CRTC1: variants seen among roughly 807,000 people sequenced by gnomAD.
The protein encoded by CRTC1 is CREB regulated transcription coactivator 1.
A neutral mutation model predicts 66.1 loss-of-function variants in CRTC1; 18 were observed. The observed-to-expected ratio is 0.27, with a 90% CI of 0.19 to 0.40. CRTC1 has a LOEUF of 0.40. CRTC1 is among the 10% of genes least tolerant of loss of function. CRTC1 has a pLI of 1.00. For missense variants in CRTC1, 669 were observed against 887.9 expected (o/e 0.75, Z 3.13); for synonymous variants, 416 against 398.8 (o/e 1.04, Z -0.51).
At chr19:18,725,493 C>T (rs2053728379) in intron 1 of CRTC1, among the ~76,000 whole-genome samples, 1 of 148,956 alleles carries the variant, frequency 6.7e-6, no homozygotes, top group African/African-American at 2.5e-5. Context: ...GAGGTTGGGG[C>T]AGCCTGGCCA....
chr19:18,715,294 C>G, intron 1 of CRTC1, among the ~76,000 whole-genome samples: 1 of 152,120 alleles, frequency 6.6e-6, no homozygotes, highest in Non-Finnish European at 1.5e-5. Context: ...GTGGTGCGAT[C>G]TCGGCTCACT....
At chr19:18,736,936 G>A (rs1220277776) in intron 1 of CRTC1, among the ~76,000 whole-genome samples, 1 of 152,190 alleles carries the variant, frequency 6.6e-6, no homozygotes, top group Non-Finnish European at 1.5e-5. Flanking sequence ...CTGGCAGGTG[G>A]AGGTGTCGCT....
At chr19:18,742,442 G>A (rs966502018) in intron 1 of CRTC1, among the ~76,000 whole-genome samples, 1 of 152,200 alleles carries the variant, frequency 6.6e-6, no homozygotes, top group African/African-American at 2.4e-5. Flanking sequence ...CAAGTCCCAC[G>A]CTTTGAAGGC....
intron 1 of CRTC1, among the ~76,000 whole-genome samples, chr19:18,691,114 A>C (rs1047007634): frequency 2.7e-5 from 4 of 148,560 alleles, no homozygotes; most frequent in Non-Finnish European, 4.4e-5. Context: ...AGGCAGGAGG[A>C]TTGTTTGAGC....
At chr19:18,749,310 A>G (rs1335717277) in intron 4 of CRTC1, among the ~76,000 whole-genome samples, 1 of 152,100 alleles carries the variant, frequency 6.6e-6, no homozygotes, top group Non-Finnish European at 1.5e-5. Context: ...TGAGCATCCT[A>G]GAGGGCACAG....
chr19:18,758,059 C>A (rs1055315084), intron 6 of CRTC1, among the ~76,000 whole-genome samples: 1 of 149,858 alleles, frequency 6.7e-6, no homozygotes, highest in Non-Finnish European at 1.5e-5. Flanking sequence ...TAAAATTAAA[C>A]ATTTTTTTAA....
Position 18,759,579 on chromosome 19 carries a change from T to A in CRTC1, c.653T>A (p.Val218Asp). Residue 218 changes from valine (V) to aspartate (D), a missense_variant, in exon 7 of 14, where the codon GTC becomes GAC. Coordinates refer to ENST00000321949, the MANE Select transcript of CRTC1 (RefSeq NM_015321.3). ...KTGSRPKSCE[V>D]PGINIFPSAD... is the part of the protein sequence containing the mutation. ...GGGTCCAGGCCCAAGTCCTGTGAGG[T>A]CCCCGGAATCAAGTAAGTCTCCACA... 3 of 1,612,508 alleles carry A rather than the reference T, an allele frequency of 1.9e-6. No homozygotes were observed. The highest frequency in any genetic ancestry group is 2.5e-6 in the Non-Finnish European group (3 of 1,179,606).
intron 1 of CRTC1, among the ~76,000 whole-genome samples, chr19:18,691,719 T>C (rs1291283132): frequency 2.0e-5 from 3 of 151,852 alleles, no homozygotes; most frequent in African/African-American, 7.2e-5. Flanking sequence ...TGCCTCTTTT[T>C]TTTGTTTTTT....
chr19:18,720,130 T>C (rs1485759496), intron 1 of CRTC1, among the ~76,000 whole-genome samples: 3 of 152,238 alleles, frequency 2.0e-5, no homozygotes, highest in Admixed American at 6.5e-5. Context: ...GAGATGTGTT[T>C]TGAGTCAAGG....
At chr19:18,724,477 C>A (rs927902115) in intron 1 of CRTC1, among the ~76,000 whole-genome samples, 1 of 152,024 alleles carries the variant, frequency 6.6e-6, no homozygotes, top group Non-Finnish European at 1.5e-5. Context: ...TAAAGTACTA[C>A]ACCTGGGCTG....
chr19:18,753,817 A>G (rs1332730541), intron 6 of CRTC1, among the ~76,000 whole-genome samples: 6 of 152,134 alleles, frequency 3.9e-5, no homozygotes, highest in Non-Finnish European at 8.8e-5. Flanking sequence ...ATTACAACCC[A>G]GGCTGGGTGC....
chr19:18,759,965 G>GTC, intron 7 of CRTC1, 43 bp from the exon 8 acceptor site: 1 of 1,002,754 alleles, frequency 1.0e-6, no homozygotes, highest in Non-Finnish European at 1.4e-6. Flanking sequence ...CGCCAGCCCC[G>GTC]CCCCATGAGC....
chr19:18,765,587 T>C, intron 9 of CRTC1, 59 bp downstream of exon 9: 2 of 1,529,842 alleles, frequency 1.3e-6, no homozygotes, highest in Non-Finnish European at 1.8e-6. Context: ...GAGGCCTGGC[T>C]CTACCTCTTA....
Position 18,779,884 on chromosome 19 carries a change from C to G in CRTC1, c.*2502C>G, listed in dbSNP as rs2055070187. 1 of 229,062 alleles carries G rather than the reference C, an allele frequency of 4.4e-6. No homozygotes were observed. The highest frequency in any genetic ancestry group is 5.7e-5 in the Admixed American group (1 of 17,644). The allele number at this position is 229,062 out of a possible 1,614,324, so 14.2% of individuals were successfully genotyped here. A position where few individuals can be genotyped will look rare whatever the true frequency, so the allele number is the denominator to read the frequency against. On this transcript the variant is annotated 3_prime_UTR_variant, in exon 14 of 14. Transcript: ENST00000321949. ...CCCACGCGAGTACCCGGGGCCCAGC[C>G]AGGAGCCAGCAGCCAGGCGTCCCTG...
chr19:18,762,373 G>A (rs901437758), intron 8 of CRTC1, among the ~76,000 whole-genome samples: 10 of 152,252 alleles, frequency 6.6e-5, no homozygotes, highest in African/African-American at 2.4e-4. Context: ...CAGCTCGCCT[G>A]GCAGGGGCTT....
Position 18,736,315 on chromosome 19 carries a change from G to A in CRTC1, c.127-6595G>A, listed in dbSNP as rs552142127. Among the ~76,000 whole-genome samples, 33 of 150,454 alleles carry A rather than the reference G, an allele frequency of 2.2e-4. 1 individual carries two copies. The highest frequency in any genetic ancestry group is 7.3e-4 in the African/African-American group (29 of 39,862). Reference sequence around the variant, plus strand: ...ATGGGGCTGCAGGGTCAAGGGGTGCGAATCCCCGGGGTCCTGGTCAGCTCC... The same window carrying A: ...ATGGGGCTGCAGGGTCAAGGGGTGCAAATCCCCGGGGTCCTGGTCAGCTCC... On this transcript the variant is annotated intron_variant, in intron 1 of 13. Coordinates refer to ENST00000321949, the MANE Select transcript of CRTC1 (RefSeq NM_015321.3).
rs2054056249 is a variant in CRTC1, at chr19:18,738,968, CGGCTGGAGGGAGTGAGGCTGGGGA to C, written c.127-3932_127-3909del. On this transcript the variant is annotated intron_variant, in intron 1 of 13. Transcript: ENST00000321949. ...AGCTGGGGGCACTTTGGGGCTTGGG[CGGCTGGAGGGAGTGAGGCTGGGGA>C]GGCTGGAGGCAAAGCCCACCCACCC... 8.5e-5 allele frequency among the ~76,000 whole-genome samples: 13 copies of C among 152,244 alleles called. No homozygotes were observed. In the South Asian group the frequency reaches 2.7e-3, roughly 32 times the overall value.
intron 1 of CRTC1, among the ~76,000 whole-genome samples, chr19:18,710,497 G>A (rs1292205531): frequency 2.0e-5 from 3 of 152,200 alleles, no homozygotes; most frequent in Non-Finnish European, 2.9e-5. Flanking sequence ...GCGGCCGGCC[G>A]GGCTCCTGGC....
At chr19:18,744,212 C>A in intron 2 of CRTC1, 1 of 1,554,630 alleles carries the variant, frequency 6.4e-7, no homozygotes. Flanking sequence ...TGCAAGACCC[C>A]GACCCGTGTG....
Sources: gnomAD v4.1 joint callset for allele counts (sites outside exome capture counted in the v4.1 genomes callset) on GRCh38, gnomAD v4.1.1 for gene constraint, MANE v1.5 for transcripts, NCBI Gene and HGNC (gene_info 2026-07-23, HGNC 2026-07-21) for gene names.